CAST: variants seen among roughly 807,000 people sequenced by gnomAD.
CAST encodes MIR583 host.
CAST carries 76 observed loss-of-function variants against 119.6 expected under a neutral mutation model. That is an observed-to-expected ratio of 0.64 (90% CI 0.53 to 0.77). The LOEUF is 0.77. Among genes scored for constraint, CAST ranks in the 30% least tolerant of loss-of-function variants. The pLI, the probability that CAST is intolerant of heterozygous loss-of-function variation, is 0.00. For missense variants in CAST, 953 were observed against 946.5 expected, an observed-to-expected ratio of 1.01 and a Z score of -0.09; for synonymous variants, 319 against 331.6, an observed-to-expected ratio of 0.96 and a Z score of 0.41.
intron 1 of CAST, among the ~76,000 whole-genome samples, chr5:96,539,540 C>G (rs1745876996): frequency 6.6e-6 from 1 of 152,032 alleles, no homozygotes; most frequent in South Asian, 2.1e-4. Flanking sequence ...TATTTTTGCT[C>G]TGTCTTGTAA....
the CAST span, among the ~76,000 whole-genome samples, chr5:96,387,580 T>A: frequency 1.3e-5 from 2 of 152,098 alleles, no homozygotes; most frequent in Non-Finnish European, 2.9e-5. Context: ...TTTATACTAT[T>A]CAGTAAGCAT....
the CAST span, among the ~76,000 whole-genome samples, chr5:96,507,900 C>T: frequency 6.6e-6 from 1 of 152,018 alleles, no homozygotes; most frequent in Non-Finnish European, 1.5e-5. Context: ...TTCACAAAGC[C>T]CTAACACACA....
the CAST span, among the ~76,000 whole-genome samples, chr5:96,245,119 C>G: frequency 6.6e-6 from 1 of 152,218 alleles, no homozygotes; most frequent in Non-Finnish European, 1.5e-5. Flanking sequence ...CACATACATT[C>G]ATACTATGAC....
the CAST span, among the ~76,000 whole-genome samples, chr5:96,348,462 A>G: frequency 6.6e-6 from 1 of 152,134 alleles, no homozygotes. Flanking sequence ...CTAGGGAAAA[A>G]GATTCTAAGT....
At chr5:96,651,728 C>T (rs181074535) in intron 1 of CAST, among the ~76,000 whole-genome samples, 1 of 152,220 alleles carries the variant, frequency 6.6e-6, no homozygotes, top group Non-Finnish European at 1.5e-5. Flanking sequence ...AGCAGACTCT[C>T]AGGCTGTAGC....
At chr5:96,567,383 G>A (rs1039871381) in intron 1 of CAST, among the ~76,000 whole-genome samples, 2 of 152,060 alleles carry the variant, frequency 1.3e-5, no homozygotes, top group African/African-American at 4.8e-5. Flanking sequence ...CTCCCCAGTG[G>A]TAGTCCTTCC....
chr5:96,472,592 A>C, the CAST span, among the ~76,000 whole-genome samples: 2 of 152,216 alleles, frequency 1.3e-5, no homozygotes, highest in African/African-American at 4.8e-5. Flanking sequence ...TCCTTGGATA[A>C]GCCAGCCTCA....
the CAST span, among the ~76,000 whole-genome samples, chr5:96,283,419 T>C: frequency 2.0e-5 from 3 of 152,198 alleles, no homozygotes; most frequent in African/African-American, 4.8e-5. Flanking sequence ...TTTTCACAGA[T>C]ATTTTGGTCA....
chr5:96,502,385 AC>A, the CAST span, among the ~76,000 whole-genome samples: 2 of 152,122 alleles, frequency 1.3e-5, no homozygotes, highest in African/African-American at 4.8e-5. Context: ...TCAGGACAGG[AC>A]TGAGTTCATA....
At chr5:96,169,950 A>G in the CAST span, among the ~76,000 whole-genome samples, 7 of 152,146 alleles carry the variant, frequency 4.6e-5, no homozygotes, top group Non-Finnish European at 1.0e-4. Flanking sequence ...GAGTTTTAAG[A>G]GGTTTAGAAG....
chr5:96,292,929 G>A, the CAST span, among the ~76,000 whole-genome samples: 5 of 152,172 alleles, frequency 3.3e-5, no homozygotes, highest in South Asian at 2.1e-4. Context: ...GTTTTCTGAC[G>A]TCTTCATTAA....
chr5:96,079,487 T>C, the CAST span, among the ~76,000 whole-genome samples: 12 of 152,198 alleles, frequency 7.9e-5, no homozygotes, highest in African/African-American at 2.9e-4. Flanking sequence ...GATAAAAAAT[T>C]GCATTAGTTG....
Position 96,616,139 on chromosome 5 carries a change from C to T in CAST, c.61-59400C>T, listed in dbSNP as rs114375498. ...GTCTTTCCGAGCCCACTGACTCAAACGTTAATCTTCTTTGGCAACACCCTC... is the reference window on the plus strand; with the variant it reads ...GTCTTTCCGAGCCCACTGACTCAAATGTTAATCTTCTTTGGCAACACCCTC... On this transcript the variant is annotated intron_variant, in intron 1 of 11. Transcript: ENST00000505143. Among the ~76,000 whole-genome samples the T allele has an allele frequency of 8.1e-3, 1,237 of 152,322 alleles. 31 individuals are homozygous for T. The highest frequency in any genetic ancestry group is 0.029 in the African/African-American group (1,205 of 41,560).
At chr5:96,497,309 C>A in the CAST span, among the ~76,000 whole-genome samples, 1 of 151,986 alleles carries the variant, frequency 6.6e-6, no homozygotes, top group Non-Finnish European at 1.5e-5. Flanking sequence ...TGAATAGTGC[C>A]GCAATAAACA....
At chr5:96,502,066 A>G in the CAST span, among the ~76,000 whole-genome samples, 1 of 144,072 alleles carries the variant, frequency 6.9e-6, no homozygotes, top group Non-Finnish European at 1.5e-5. Context: ...ATAGTCTGCA[A>G]AGATTTGGAA....
the CAST span, among the ~76,000 whole-genome samples, chr5:96,236,585 T>A: frequency 1.3e-5 from 2 of 152,200 alleles, no homozygotes; most frequent in African/African-American, 4.8e-5. Context: ...AAGGAATGAA[T>A]GAAAGACTAT....
chr5:96,676,592 C>T (rs1750737871), intron 2 of CAST, among the ~76,000 whole-genome samples: 1 of 151,900 alleles, frequency 6.6e-6, no homozygotes, highest in Non-Finnish European at 1.5e-5. Flanking sequence ...TCTTACCAAG[C>T]AAGTTTTTAG....
At chr5:96,394,964 G>C in the CAST span, 23 of 1,613,972 alleles carry the variant, frequency 1.4e-5, no homozygotes, top group South Asian at 2.5e-4. Flanking sequence ...TGGCTGAGAA[G>C]AGGTCCCGTG....
At chr5:96,579,138 G>C (rs980941545) in intron 1 of CAST, among the ~76,000 whole-genome samples, 1 of 152,192 alleles carries the variant, frequency 6.6e-6, no homozygotes, top group Non-Finnish European at 1.5e-5. Flanking sequence ...GGTTCTGCCT[G>C]CCTGTTCCCA....
Sources: allele counts gnomAD v4.1 joint callset (sites outside exome capture counted in the v4.1 genomes callset), GRCh38; gene constraint gnomAD v4.1.1; transcripts MANE v1.5; gene names NCBI Gene and HGNC (gene_info 2026-07-23, HGNC 2026-07-21).